The following PSG7 variants were observed in gnomAD, a reference collection of about 807,000 sequenced individuals.
PSG7 encodes pregnancy-specific beta-1-glycoprotein 7.
PSG7 carries 57 observed loss-of-function variants against 45.6 expected under a neutral mutation model. That is an observed-to-expected ratio of 1.25 (90% CI 1.01 to 1.56). PSG7 has a LOEUF of 1.56. Among genes scored for constraint, PSG7 ranks in the 40% most tolerant of loss-of-function variants. PSG7 has a pLI of 0.00. For synonymous variants in PSG7, 298 were observed against 194.4 expected, an observed-to-expected ratio of 1.53 and a Z score of -4.43; for missense variants, 796 against 508.4, an observed-to-expected ratio of 1.57 and a Z score of -5.44.
At chr19:42,933,300 TA>T (rs1176561594) in intron 2 of PSG7, among the ~76,000 whole-genome samples, 77 of 20,408 alleles carry the variant, frequency 3.8e-3, no homozygotes, top group African/African-American at 7.3e-3. Context: ...TATATATATA[TA>T]TATATATTTT....
rs559201701 is a variant in PSG7, at chr19:42,933,838, C to CG, written c.430+1565dup. 3.4e-4 allele frequency among the ~76,000 whole-genome samples: 52 copies of CG among 151,226 alleles called. 1 individual carries two copies. Among genetic ancestry groups the CG allele is most frequent in the East Asian group, 1.6e-3 (8 of 5,110 alleles). On this transcript the variant is annotated intron_variant, in intron 2 of 5. Coordinates refer to ENST00000406070, the MANE Select transcript of PSG7 (RefSeq NM_002783.3). ...GGACCAAGGAGCCCTGAGAACCCTCCGTGGCCAAAGAGCTTCAGAGTTACA... is the reference window on the plus strand; with the variant it reads ...GGACCAAGGAGCCCTGAGAACCCTCCGGTGGCCAAAGAGCTTCAGAGTTACA...
intron 3 of PSG7, among the ~76,000 whole-genome samples, chr19:42,928,852 G>A (rs187587381): frequency 6.6e-6 from 1 of 151,566 alleles, no homozygotes; most frequent in African/African-American, 2.4e-5. Context: ...GGATGAAAGA[G>A]ACATAGACCC....
At chr19:42,932,224 C>G (rs1474274675) in intron 2 of PSG7, among the ~76,000 whole-genome samples, 1 of 151,350 alleles carries the variant, frequency 6.6e-6, no homozygotes, top group Non-Finnish European at 1.5e-5. Context: ...GGGGTTTCAC[C>G]ATGTTAGCCA....
intron 2 of PSG7, 125 bp from the exon 3 acceptor site, chr19:42,929,845 G>T: frequency 7.2e-7 from 1 of 1,397,022 alleles, no homozygotes; most frequent in Non-Finnish European, 9.7e-7. Flanking sequence ...CCCATGGCAG[G>T]TGTGTGTGTT....
Position 42,937,015 on chromosome 19 carries a change from G to A in PSG7, c.62C>T (p.Thr21Ile). The change falls in exon 1 of 6, where the codon ACA becomes ATA. Residue 21 changes from threonine to isoleucine, a missense_variant and splice_region_variant. By Grantham distance (89) the Thr-to-Ile change is moderately conservative. Coordinates refer to ENST00000406070, the MANE Select transcript of PSG7 (RefSeq NM_002783.3). ...CTCCCAGGAAGTTCTCTCCTCACCT[G>A]TGAGCAGGAGCCCTTTCCAGGTTAT... ...QHITWKGLLLTASLLNFWNPP... is the reference protein window; with the variant it reads ...QHITWKGLLLIASLLNFWNPP... 2 of 1,611,242 alleles carry A rather than the reference G, an allele frequency of 1.2e-6. No homozygotes were observed. The highest frequency in any genetic ancestry group is 2.2e-5 in the East Asian group (1 of 44,762).
At chr19:42,928,294 G>A (rs775338736) in intron 3 of PSG7, among the ~76,000 whole-genome samples, 7 of 151,470 alleles carry the variant, frequency 4.6e-5, no homozygotes, top group African/African-American at 1.5e-4. Flanking sequence ...CTCAGATTTA[G>A]GACAGAGTTT....
intron 2 of PSG7, among the ~76,000 whole-genome samples, chr19:42,933,738 C>G (rs1365296539): frequency 6.6e-6 from 1 of 150,944 alleles, no homozygotes; most frequent in African/African-American, 2.4e-5. Context: ...GGCAGAGACA[C>G]CATGGCAGTG....
intron 3 of PSG7, among the ~76,000 whole-genome samples, chr19:42,928,994 G>A (rs1972956779): frequency 6.6e-6 from 1 of 151,494 alleles, no homozygotes; most frequent in Non-Finnish European, 1.5e-5. Flanking sequence ...GACTTCTCTT[G>A]TATGGTAATA....
In PSG7 at chr19:42,928,761, T is replaced by G. The variant is rs535635895; in HGVS notation, c.709+681A>C. ...CAGATAGACTTCCCTGGAAAACATATTGCCAATGCTCCAGGGATCCACTTA... is the reference window on the plus strand; with the variant it reads ...CAGATAGACTTCCCTGGAAAACATAGTGCCAATGCTCCAGGGATCCACTTA... On this transcript the variant is annotated intron_variant, in intron 3 of 5. Transcript: ENST00000406070. Among the ~76,000 whole-genome samples the G allele has an allele frequency of 1.9e-4, 29 of 151,480 alleles. 1 individual carries two copies. In the South Asian group the frequency reaches 4.4e-3, roughly 23 times the overall value.
In PSG7 at chr19:42,931,520, G is replaced by T. The variant is rs145699667; in HGVS notation, c.431-1800C>A. ...ATTTCTGGGCAGAGTTAGGAAAAAT[G>T]CGGAGGACCCCAAAACAGGTATGTG... On this transcript the variant is annotated intron_variant, in intron 2 of 5. Coordinates refer to ENST00000406070, the MANE Select transcript of PSG7 (RefSeq NM_002783.3). Among the ~76,000 whole-genome samples, 2 of 151,636 alleles carry T rather than the reference G, an allele frequency of 1.3e-5. 1 individual carries two copies. The highest frequency in any genetic ancestry group is 2.9e-5 in the Non-Finnish European group (2 of 67,938).
chr19:42,934,050 G>A (rs1361547877), intron 2 of PSG7, among the ~76,000 whole-genome samples: 1 of 151,486 alleles, frequency 6.6e-6, no homozygotes, highest in African/African-American at 2.4e-5. Flanking sequence ...GAGAGCTCCT[G>A]AGTATGTGTC....
chr19:42,926,534 G>A lies in PSG7; in HGVS notation c.892C>T (p.Pro298Ser). Residue 298 changes from proline to serine, a missense_variant, in exon 4 of 6, where the codon CCC becomes TCC. Pro to Ser is a moderately conservative substitution (Grantham distance 74). Transcript: ENST00000406070. ...RRIENRILILPSVTRNETGPY... is the reference protein window; with the variant it reads ...RRIENRILILSSVTRNETGPY... ...CCTGTTTCATTTCTCGTGACACTGG[G>A]TAGAATGAGGATCCTGTTTTCAATG... 6.2e-7 allele frequency: 1 copy of A among 1,610,726 alleles called. No individual in the cohort carries two copies. The highest frequency in any genetic ancestry group is 8.5e-7 in the Non-Finnish European group (1 of 1,179,034).
chr19:42,928,925 T>C (rs895867831), intron 3 of PSG7, among the ~76,000 whole-genome samples: 1 of 151,484 alleles, frequency 6.6e-6, no homozygotes, highest in Non-Finnish European at 1.5e-5. Context: ...GAACTTCCCA[T>C]CAATCAGCCA....
Position 42,937,088 on chromosome 19 carries a change from C to T in PSG7, c.-12G>A, listed in dbSNP as rs753443356. 8.1e-6 allele frequency: 13 copies of T among 1,609,916 alleles called. No individual in the cohort carries two copies. The East Asian group carries it at 1.3e-4, about 17-fold the overall frequency. Reference sequence around the variant, plus strand: ...GAGAGGGGCCCCATGGTCTCTGCTCCCTGCGTGTTCTCCTCTGTGGAGATG... The same window carrying T: ...GAGAGGGGCCCCATGGTCTCTGCTCTCTGCGTGTTCTCCTCTGTGGAGATG... On this transcript the variant is annotated 5_prime_UTR_variant, in exon 1 of 6. Transcript: ENST00000406070.
At chr19:42,933,288 TATATATATATATA>T (rs1356920800) in intron 2 of PSG7, among the ~76,000 whole-genome samples, 202 of 11,966 alleles carry the variant, frequency 0.017, 19 homozygotes, top group Middle Eastern at 0.094. Flanking sequence ...TATATATATA[TATATATATATATA>T]TATATATTTT....
intron 2 of PSG7, among the ~76,000 whole-genome samples, chr19:42,930,217 G>A (rs1444984272): frequency 1.3e-5 from 2 of 151,778 alleles, no homozygotes; most frequent in East Asian, 1.9e-4. Context: ...CCTGGCCTGG[G>A]ACTGGGTACT....
chr19:42,936,618 C>T (rs1377633297), intron 1 of PSG7: 1 of 205,684 alleles, frequency 4.9e-6, no homozygotes, highest in Non-Finnish European at 9.7e-6. Flanking sequence ...TATCCAGGCT[C>T]CAACAGAGCC....
rs755385661 is a variant in PSG7, at chr19:42,925,839, C to A, written c.1177G>T (p.Ala393Ser). ...GTGGCTGAGTTACGAACAGAGCAAG[C>A]ATAGAGCCCGCTATGCTTTGTAGTA... ...QITTKHSGLY[A>S]CSVRNSATGK... Residue 393 changes from alanine to serine, a missense_variant, in exon 5 of 6, where the codon GCT (alanine) becomes TCT (serine). Coordinates refer to ENST00000406070, the MANE Select transcript of PSG7 (RefSeq NM_002783.3). 3.1e-6 allele frequency: 5 copies of A among 1,611,912 alleles called. No homozygotes were observed. The African/African-American group carries it at 6.7e-5, about 22-fold the overall frequency.
intron 2 of PSG7, among the ~76,000 whole-genome samples, chr19:42,932,787 A>G (rs981597251): frequency 4.0e-5 from 6 of 151,572 alleles, no homozygotes; most frequent in African/African-American, 1.5e-4. Flanking sequence ...GTGAAAGACC[A>G]TGAGATTTAG....
Sources: gnomAD v4.1 joint callset for allele counts (sites outside exome capture counted in the v4.1 genomes callset) on GRCh38, gnomAD v4.1.1 for gene constraint, MANE v1.5 for transcripts, NCBI Gene and HGNC (gene_info 2026-07-23, HGNC 2026-07-21) for gene names.